Variants in TRPC4AP observed in about 807,000 individuals in gnomAD.
TRPC4AP encodes transient receptor potential cation channel subfamily C member 4 associated protein, also known as short transient receptor potential channel 4-associated protein.
Under a neutral mutation model 99.0 loss-of-function variants are expected in TRPC4AP, and 45 were observed. The observed-to-expected ratio is 0.45, with a 90% confidence interval of 0.36 to 0.58. The LOEUF (loss-of-function observed/expected upper bound fraction) is 0.58, where lower values mean the gene tolerates loss of function less well. Among genes scored for constraint, TRPC4AP ranks in the 20% least tolerant of loss-of-function variants. The pLI, the probability that TRPC4AP is intolerant of heterozygous loss-of-function variation, is 0.00. For synonymous variants in TRPC4AP, 408 were observed against 385.8 expected (o/e 1.06, Z -0.67); for missense variants, 879 against 985.3 (o/e 0.89, Z 1.44).
At chr20:35,029,628 C>CTTTTTTTTT (rs35372826) in intron 8 of TRPC4AP, among the ~76,000 whole-genome samples, 6 of 39,392 alleles carry the variant, frequency 1.5e-4, no homozygotes, top group Non-Finnish European at 2.5e-4. Flanking sequence ...AAGTTACTTT[C>CTTTTTTTTT]TTTTTTTTTT....
chr20:35,054,074 T>G (rs1257140850), intron 5 of TRPC4AP, among the ~76,000 whole-genome samples: 1 of 152,230 alleles, frequency 6.6e-6, no homozygotes, highest in African/African-American at 2.4e-5. Context: ...TCCCCACCTT[T>G]ATCTTCTTCT....
At chr20:35,024,323 C>G (rs1208711436) in intron 8 of TRPC4AP, among the ~76,000 whole-genome samples, 1 of 152,094 alleles carries the variant, frequency 6.6e-6, no homozygotes, top group Non-Finnish European at 1.5e-5. Context: ...TATTTCCCAC[C>G]AAACTCCTTA....
intron 11 of TRPC4AP, 71 bp from the exon 12 acceptor site, chr20:35,010,359 A>G: frequency 7.7e-7 from 1 of 1,307,016 alleles, no homozygotes; most frequent in Non-Finnish European, 1.1e-6. Context: ...AGGCTAGTGT[A>G]GGGAGTCTCC....
chr20:35,030,752 G>A (rs1310441808), intron 8 of TRPC4AP, among the ~76,000 whole-genome samples: 2 of 152,114 alleles, frequency 1.3e-5, no homozygotes, highest in African/African-American at 4.8e-5. Flanking sequence ...ATATGTTATA[G>A]GTTCAACAAT....
At chr20:35,092,386 G>A (rs543936160) in intron 1 of TRPC4AP, among the ~76,000 whole-genome samples, 1 of 152,344 alleles carries the variant, frequency 6.6e-6, no homozygotes, top group Admixed American at 6.5e-5. Flanking sequence ...CGCCATCAGT[G>A]TCCACAGCAG....
At position 35,024,130 on chromosome 20, in the gene TRPC4AP, C is replaced by CTTTT. The variant is rs11473089; in HGVS notation, c.1052-2778_1052-2775dup. Among the ~76,000 whole-genome samples, 1,051 of 146,388 alleles carry CTTTT rather than the reference C, an allele frequency of 7.2e-3. 5 individuals carry two copies. Among genetic ancestry groups the CTTTT allele is most frequent in the African/African-American group, 0.017 (683 of 39,820 alleles). ...TGTTTTCTGCGGACATGCACACTCACTTTTTTTTTTTTTTAACAGCTTTGA... is the reference window on the plus strand; with the variant it reads ...TGTTTTCTGCGGACATGCACACTCACTTTTTTTTTTTTTTTTTTAACAGCTTTGA... On this transcript the variant is annotated intron_variant, in intron 8 of 18. Coordinates refer to ENST00000252015, the MANE Select transcript of TRPC4AP (RefSeq NM_015638.3).
chr20:35,060,000 T>TAA (rs1202307701), intron 3 of TRPC4AP, among the ~76,000 whole-genome samples: 1 of 150,646 alleles, frequency 6.6e-6, no homozygotes, highest in East Asian at 1.9e-4. Context: ...CTTAGTGATT[T>TAA]AAAAAAAAAC....
chr20:35,091,784 T>C (rs2085074757), intron 1 of TRPC4AP, among the ~76,000 whole-genome samples: 1 of 152,210 alleles, frequency 6.6e-6, no homozygotes, highest in Non-Finnish European at 1.5e-5. Context: ...GCCCTTAGTA[T>C]GCACCAGAAA....
At chr20:35,019,874 A>G (rs1197699343) in intron 9 of TRPC4AP, among the ~76,000 whole-genome samples, 1 of 152,054 alleles carries the variant, frequency 6.6e-6, no homozygotes, top group African/African-American at 2.4e-5. Flanking sequence ...CATCTCCCCA[A>G]CACCAGGTGT....
At chr20:35,086,429 ATATGTGTGTGTGTGTGTG>A (rs1376109557) in intron 1 of TRPC4AP, among the ~76,000 whole-genome samples, 6 of 117,802 alleles carry the variant, frequency 5.1e-5, no homozygotes, top group African/African-American at 1.6e-4. Context: ...AATGAATGGC[ATATGTGTGTGTGTGTGTG>A]TGTGTGTGTG....
chr20:35,087,410 T>A (rs775944951), intron 1 of TRPC4AP, among the ~76,000 whole-genome samples: 3 of 151,164 alleles, frequency 2.0e-5, no homozygotes, highest in Non-Finnish European at 4.4e-5. Flanking sequence ...CATTTAGATA[T>A]GCCAATAATC....
chr20:35,016,261 G>C, intron 9 of TRPC4AP, 122 bp from the exon 10 acceptor site: 1 of 1,196,816 alleles, frequency 8.4e-7, no homozygotes, highest in Non-Finnish European at 1.2e-6. Flanking sequence ...CAGTAAGGAG[G>C]GCCAGGGTCT....
chr20:35,052,285 A>G (rs1160314457), intron 5 of TRPC4AP, among the ~76,000 whole-genome samples: 3 of 151,674 alleles, frequency 2.0e-5, no homozygotes, highest in African/African-American at 7.3e-5. Flanking sequence ...TTTTGTAGAG[A>G]CAGGTTCTAT....
intron 8 of TRPC4AP, among the ~76,000 whole-genome samples, chr20:35,024,854 A>AAAAAAAACCAT (rs1479270980): frequency 1.1e-5 from 1 of 89,480 alleles, no homozygotes; most frequent in Non-Finnish European, 2.3e-5. Flanking sequence ...AAAAAAAAAA[A>AAAAAAAACCAT]ATTCTGTTTA....
chr20:35,002,937 C>T lies in TRPC4AP; in HGVS notation c.*209G>A. On this transcript the variant is annotated 3_prime_UTR_variant, in exon 19 of 19. Coordinates refer to ENST00000252015, the MANE Select transcript of TRPC4AP (RefSeq NM_015638.3). ...AAAGGTGGGCATGGTACCCTGTCCT[C>T]ATTATGGGGACTGAGGCTCTCCATG... 4.9e-6 allele frequency: 3 copies of T among 616,150 alleles called. 1 individual carries two copies. The highest frequency in any genetic ancestry group is 8.3e-6 in the Non-Finnish European group (3 of 362,290). The allele number at this position is 616,150 out of a possible 1,614,324, so 38.2% of individuals were successfully genotyped here. A position where few individuals can be genotyped will look rare whatever the true frequency, so the allele number is the denominator to read the frequency against.
intron 1 of TRPC4AP, among the ~76,000 whole-genome samples, chr20:35,086,248 C>T (rs1463369883): frequency 1.3e-5 from 2 of 151,876 alleles, no homozygotes; most frequent in Non-Finnish European, 2.9e-5. Context: ...TGTGAGCCAC[C>T]GCACCCAGCC....
intron 8 of TRPC4AP, among the ~76,000 whole-genome samples, chr20:35,028,368 A>G (rs2083081189): frequency 6.6e-6 from 1 of 151,976 alleles, no homozygotes; most frequent in South Asian, 2.1e-4. Flanking sequence ...CTGGGACTAC[A>G]GGTGTGAGCC....
chr20:35,027,693 G>A (rs957185017), intron 8 of TRPC4AP, among the ~76,000 whole-genome samples: 2 of 152,100 alleles, frequency 1.3e-5, no homozygotes, highest in Non-Finnish European at 2.9e-5. Context: ...ATTCAATCTC[G>A]TTGTTATACT....
At chr20:35,059,671 AAAGAAG>A (rs71196782) in intron 3 of TRPC4AP, among the ~76,000 whole-genome samples, 2 of 151,036 alleles carry the variant, frequency 1.3e-5, no homozygotes, top group African/African-American at 4.9e-5. Context: ...AAAAGAAAAA[AAAGAAG>A]AAGAAGAAGG....
Sources: allele counts gnomAD v4.1 joint callset (sites outside exome capture counted in the v4.1 genomes callset), GRCh38; gene constraint gnomAD v4.1.1; transcripts MANE v1.5; gene names NCBI Gene and HGNC (gene_info 2026-07-23, HGNC 2026-07-21).